Variants in SVEP1 observed in about 807,000 individuals in gnomAD.
SVEP1 encodes the protein sushi, von Willebrand factor type A, EGF and pentraxin domain containing 1, also known as sushi, von Willebrand factor type A, EGF and pentraxin domain-containing protein 1.
A neutral mutation model predicts 367.3 loss-of-function variants in SVEP1; 164 were observed. The ratio of observed to expected loss-of-function variants is 0.45; its 90% CI spans 0.39 to 0.51. SVEP1 has a LOEUF of 0.51. Among genes scored for constraint, SVEP1 ranks in the 20% least tolerant of loss-of-function variants. The pLI is 0.00. For missense variants in SVEP1, 4,117 were observed against 4,425.3 expected (o/e 0.93, Z 1.98); for synonymous variants, 1,666 against 1,611.6 (o/e 1.03, Z -0.81).
intron 40 of SVEP1, among the ~76,000 whole-genome samples, chr9:110,393,993 A>C (rs1006666699): frequency 1.3e-5 from 2 of 152,216 alleles, no homozygotes; most frequent in African/African-American, 4.8e-5. Context: ...CCTGTCTGAC[A>C]GCTTTGAAGA....
At chr9:110,525,159 T>A (rs542798374) in intron 3 of SVEP1, among the ~76,000 whole-genome samples, 7 of 152,104 alleles carry the variant, frequency 4.6e-5, no homozygotes, top group Non-Finnish European at 7.4e-5. Context: ...GAAATACAAC[T>A]AAACCTATTT....
At chr9:110,463,470 G>A (rs1828889678) in intron 18 of SVEP1, among the ~76,000 whole-genome samples, 1 of 151,462 alleles carries the variant, frequency 6.6e-6, no homozygotes, top group African/African-American at 2.4e-5. Flanking sequence ...AAATGCAAAA[G>A]CAATGTCTTA....
intron 46 of SVEP1, among the ~76,000 whole-genome samples, chr9:110,372,141 C>A (rs1827287814): frequency 6.6e-6 from 1 of 152,160 alleles, no homozygotes; most frequent in South Asian, 2.1e-4. Context: ...GTGGTCCATG[C>A]CTTTAGCTGC....
intron 5 of SVEP1, among the ~76,000 whole-genome samples, chr9:110,505,819 CTTTTT>C (rs565499379): frequency 2.7e-5 from 4 of 147,070 alleles, no homozygotes; most frequent in Non-Finnish European, 6.0e-5. Flanking sequence ...TCTTTTCTCT[CTTTTT>C]TTTTTTATTA....
At chr9:110,457,462 C>A (rs762719057) in intron 20 of SVEP1, 110 bp from the exon 21 acceptor site, 9 of 816,212 alleles carry the variant, frequency 1.1e-5, no homozygotes, top group Non-Finnish European at 1.8e-5. Context: ...CTCCTGTTTC[C>A]AGGTAAGTTC....
intron 1 of SVEP1, among the ~76,000 whole-genome samples, chr9:110,578,366 G>GT (rs111330749): frequency 0.24 from 29,200 of 122,246 alleles, 2,898 homozygotes; most frequent in East Asian, 0.51. Context: ...GAAATTTTAG[G>GT]GTTTTTTTTT....
At chr9:110,394,385 A>C (rs1827723714) in intron 40 of SVEP1, among the ~76,000 whole-genome samples, 1 of 152,196 alleles carries the variant, frequency 6.6e-6, no homozygotes, top group African/African-American at 2.4e-5. Context: ...AGGTAGATAT[A>C]ACCACAAAGA....
intron 16 of SVEP1, 104 bp downstream of exon 16, chr9:110,471,260 A>C: frequency 1.0e-6 from 1 of 956,552 alleles, no homozygotes. Flanking sequence ...ACAAGAGCAA[A>C]ATATGTTTCA....
At chr9:110,391,075 AAGTAACAATTCCTTAATATTAAT>A (rs1827647448) in intron 40 of SVEP1, among the ~76,000 whole-genome samples, 4 of 152,154 alleles carry the variant, frequency 2.6e-5, no homozygotes, top group Non-Finnish European at 5.9e-5. Flanking sequence ...ACAACTTAAA[AAGTAACAATTCCTTAATATTAAT>A]AAAATGTCGT....
chr9:110,481,190 T>G, intron 12 of SVEP1, 52 bp downstream of exon 12: 1 of 1,281,258 alleles, frequency 7.8e-7, no homozygotes, highest in Non-Finnish European at 1.0e-6. Flanking sequence ...CACTTAGAAA[T>G]GTACACACAT....
At chr9:110,436,356 T>C (rs1432311601) in intron 28 of SVEP1, 24 bp downstream of exon 28, 2 of 1,613,622 alleles carry the variant, frequency 1.2e-6, no homozygotes, top group Admixed American at 3.3e-5. Flanking sequence ...CTCATTACTG[T>C]CATACACTGA....
At chr9:110,436,761 T>C (rs10980386) in intron 27 of SVEP1, among the ~76,000 whole-genome samples, 19,644 of 152,222 alleles carry the variant, frequency 0.13, 1,593 homozygotes, top group South Asian at 0.23. Context: ...AATACATATA[T>C]ATGCATATAA....
At chr9:110,409,299 G>A (rs999063961) in intron 37 of SVEP1, among the ~76,000 whole-genome samples, 1 of 152,132 alleles carries the variant, frequency 6.6e-6, no homozygotes, top group Non-Finnish European at 1.5e-5. Context: ...GTATGTGCCT[G>A]TAATCTCAGC....
At chr9:110,397,601 T>C (rs1467369139) in intron 40 of SVEP1, among the ~76,000 whole-genome samples, 1 of 151,916 alleles carries the variant, frequency 6.6e-6, no homozygotes, top group Non-Finnish European at 1.5e-5. Flanking sequence ...AACCCCATTG[T>C]CTCAGCCCAA....
At chr9:110,445,603 T>C (rs1234593534) in intron 26 of SVEP1, among the ~76,000 whole-genome samples, 1 of 152,154 alleles carries the variant, frequency 6.6e-6, no homozygotes, top group Non-Finnish European at 1.5e-5. Flanking sequence ...TCAGATGAAG[T>C]AATACATATG....
intron 3 of SVEP1, among the ~76,000 whole-genome samples, chr9:110,534,009 G>C (rs1047820731): frequency 1.3e-5 from 2 of 152,136 alleles, no homozygotes; most frequent in African/African-American, 4.8e-5. Flanking sequence ...TGGGTCTGCA[G>C]GCTAAGTCCA....
At position 110,497,956 on chromosome 9, in the gene SVEP1, A is replaced by C. The variant is rs576280565; in HGVS notation, c.1682-1023T>G. ...CTCTCCCACAGGAAGACATAATAGC[A>C]TATTAACTCTGAAAAAATTTTTAAA... On this transcript the variant is annotated intron_variant, in intron 7 of 47. Coordinates refer to ENST00000374469, the MANE Select transcript of SVEP1 (RefSeq NM_153366.4). Among the ~76,000 whole-genome samples, 6 of 104,064 alleles carry C rather than the reference A, an allele frequency of 5.8e-5. No individual in the cohort carries two copies. The East Asian group carries it at 1.7e-3, about 29-fold the overall frequency. 68.3% of individuals were successfully genotyped at this position (104,064 alleles called of 152,430 possible).
intron 11 of SVEP1, 73 bp from the exon 12 acceptor site, chr9:110,481,509 A>G: frequency 8.3e-7 from 1 of 1,201,468 alleles, no homozygotes; most frequent in East Asian, 2.8e-5. Flanking sequence ...GAGCTTAAGC[A>G]GAATTTTGAA....
chr9:110,455,439 A>G, intron 22 of SVEP1, 151 bp downstream of exon 22: 1 of 608,632 alleles, frequency 1.6e-6, no homozygotes, highest in Non-Finnish European at 2.7e-6. Context: ...CACTTTCCCA[A>G]TGCAAATAAG....
Sources: gnomAD v4.1 joint callset for allele counts (sites outside exome capture counted in the v4.1 genomes callset) on GRCh38, gnomAD v4.1.1 for gene constraint, MANE v1.5 for transcripts, NCBI Gene and HGNC (gene_info 2026-07-23, HGNC 2026-07-21) for gene names.